The following LRRC36 variants were observed in gnomAD, a reference collection of about 807,000 sequenced individuals.
LRRC36 encodes the protein leucine-rich repeat-containing protein 36.
LRRC36 carries 62 observed loss-of-function variants against 81.1 expected under a neutral mutation model. The ratio of observed to expected loss-of-function variants is 0.76; its 90% CI spans 0.62 to 0.94. The LOEUF is 0.94. Among genes scored for constraint, LRRC36 ranks in the 40% least tolerant of loss-of-function variants. The pLI is 0.00. For synonymous variants in LRRC36, 334 were observed against 348.6 expected (o/e 0.96, Z 0.47); for missense variants, 761 against 881.7 (o/e 0.86, Z 1.73).
intron 12 of LRRC36, among the ~76,000 whole-genome samples, chr16:67,380,999 G>A (rs1339139871): frequency 6.6e-6 from 1 of 152,152 alleles, no homozygotes; most frequent in Non-Finnish European, 1.5e-5. Context: ...TGGGGTGGGT[G>A]GATCACCTGA....
intron 9 of LRRC36, among the ~76,000 whole-genome samples, chr16:67,374,904 G>A (rs1237056445): frequency 6.6e-6 from 1 of 151,838 alleles, no homozygotes; most frequent in African/African-American, 2.4e-5. Flanking sequence ...AGCTGAGGCG[G>A]GACGATCACA....
At chr16:67,328,283 C>G (rs939268986) in intron 1 of LRRC36, among the ~76,000 whole-genome samples, 1 of 152,032 alleles carries the variant, frequency 6.6e-6, no homozygotes, top group East Asian at 1.9e-4. Flanking sequence ...GAGGCCGAGG[C>G]GGGCGGATCA....
Position 67,370,959 on chromosome 16 carries a change from C to T in LRRC36, c.1211C>T (p.Thr404Ile), listed in dbSNP as rs774054360. The T allele has an allele frequency of 1.2e-6, 2 of 1,613,106 alleles. No homozygotes were observed. The highest frequency in any genetic ancestry group is 1.7e-6 in the Non-Finnish European group (2 of 1,179,234). The change falls in exon 9 of 14, where the codon ACC (threonine) becomes ATC (isoleucine). Residue 404 changes from threonine to isoleucine, a missense_variant. Physicochemically the swap from Thr to Ile is moderately conservative, Grantham distance 89. Transcript: ENST00000329956. Reference sequence around the variant, plus strand: ...TCCTCCACAGATCTGTATGCCACAACCCATTTCAACAGTGACCCTGCTGTA... The same window carrying T: ...TCCTCCACAGATCTGTATGCCACAATCCATTTCAACAGTGACCCTGCTGTA... ...LKLSSDLYAT[T>I]HFNSDPAVLV...
intron 3 of LRRC36, among the ~76,000 whole-genome samples, chr16:67,347,022 G>A (rs2038383097): frequency 6.6e-6 from 1 of 151,962 alleles, no homozygotes; most frequent in Non-Finnish European, 1.5e-5. Context: ...CTACAGGCAC[G>A]CACCACCACA....
chr16:67,350,155 G>GC, intron 4 of LRRC36, 47 bp from the exon 5 acceptor site: 1 of 1,186,428 alleles, frequency 8.4e-7, no homozygotes, highest in Non-Finnish European at 1.2e-6. Flanking sequence ...GATCTCAGAA[G>GC]CCTTTTTTTT....
intron 11 of LRRC36, among the ~76,000 whole-genome samples, chr16:67,377,704 G>A (rs368152718): frequency 8.0e-5 from 12 of 149,658 alleles, no homozygotes; most frequent in Middle Eastern, 3.5e-3. Flanking sequence ...GTGCGATCTC[G>A]GCTCACTGCA....
At position 67,385,061 on chromosome 16, in the gene LRRC36, T is replaced by C. The variant is rs1385224616; in HGVS notation, c.2237T>C (p.Leu746Ser). ...ETGQYLIQSV[L>S]DAAPEPGL is the part of the protein sequence containing the mutation. ...GGTCAGTATCTAATACAGAGCGTCTTGGATGCTGCCCCAGAGCCTGGCTTA... is the reference window on the plus strand; with the variant it reads ...GGTCAGTATCTAATACAGAGCGTCTCGGATGCTGCCCCAGAGCCTGGCTTA... The change falls in exon 14 of 14, where the codon TTG (leucine) becomes TCG (serine). Residue 746 changes from leucine (L) to serine (S), a missense_variant. Physicochemically the swap from Leu to Ser is moderately radical, Grantham distance 145. This residue lies in a region of LRRC36 where 359 missense variants were observed against 388.4 expected (regional missense o/e 0.92). Coordinates refer to ENST00000329956, the MANE Select transcript of LRRC36 (RefSeq NM_018296.6). The C allele has an allele frequency of 5.0e-6, 8 of 1,613,890 alleles. No homozygotes were observed. Among genetic ancestry groups the C allele is most frequent in the Non-Finnish European group, 6.8e-6 (8 of 1,180,014 alleles).
intron 7 of LRRC36, 137 bp downstream of exon 7, chr16:67,365,492 T>C: frequency 1.5e-6 from 1 of 660,926 alleles, no homozygotes; most frequent in Non-Finnish European, 2.6e-6. Flanking sequence ...TGAGGGACTG[T>C]CCTGGATGAT....
chr16:67,336,300 A>G (rs1385631546), intron 1 of LRRC36, among the ~76,000 whole-genome samples: 1 of 152,212 alleles, frequency 6.6e-6, no homozygotes, highest in African/African-American at 2.4e-5. Context: ...TGCTGTAAAC[A>G]TTCATGTGCA....
intron 13 of LRRC36, among the ~76,000 whole-genome samples, chr16:67,383,050 C>A (rs2040170063): frequency 8.9e-6 from 1 of 112,898 alleles, no homozygotes; most frequent in Non-Finnish European, 1.7e-5. Context: ...TCCAGCCTGT[C>A]AACAGAGCGA....
chr16:67,353,497 G>A (rs922658713), intron 5 of LRRC36, among the ~76,000 whole-genome samples: 5 of 151,794 alleles, frequency 3.3e-5, no homozygotes, highest in East Asian at 1.9e-4. Flanking sequence ...AGCAATTCTC[G>A]TGCCTCAGCC....
chr16:67,363,526 A>G, intron 5 of LRRC36, 64 bp from the exon 6 acceptor site: 1 of 1,567,842 alleles, frequency 6.4e-7, no homozygotes, highest in Non-Finnish European at 8.7e-7. Context: ...TCTATCCATT[A>G]GACATGCTGC....
intron 2 of LRRC36, among the ~76,000 whole-genome samples, chr16:67,343,752 G>A (rs533661426): frequency 2.6e-5 from 4 of 151,590 alleles, no homozygotes; most frequent in South Asian, 2.1e-4. Flanking sequence ...AAGACTCCTG[G>A]TACAGTGCTT....
At chr16:67,350,139 A>G in intron 4 of LRRC36, 63 bp from the exon 5 acceptor site, 1 of 1,100,210 alleles carries the variant, frequency 9.1e-7, no homozygotes, top group Non-Finnish European at 1.3e-6. Flanking sequence ...AATAGCATTT[A>G]CTGGTGATCT....
At chr16:67,372,347 ACT>A (rs925567179) in intron 9 of LRRC36, among the ~76,000 whole-genome samples, 4 of 150,908 alleles carry the variant, frequency 2.7e-5, no homozygotes, top group Non-Finnish European at 4.4e-5. Context: ...ACAGAGTGAG[ACT>A]CTGTCTCCAA....
intron 1 of LRRC36, among the ~76,000 whole-genome samples, chr16:67,332,281 C>T (rs193194717): frequency 4.4e-4 from 66 of 151,540 alleles, no homozygotes; most frequent in African/African-American, 1.4e-3. Flanking sequence ...CGGCCAGGCG[C>T]GGTGGCTTAC....
At chr16:67,338,855 T>C (rs942907521) in intron 1 of LRRC36, among the ~76,000 whole-genome samples, 4 of 145,066 alleles carry the variant, frequency 2.8e-5, no homozygotes, top group Non-Finnish European at 4.5e-5. Flanking sequence ...AATTTCTGCT[T>C]GGAAGCTGAA....
At chr16:67,349,638 A>T (rs1460420964) in intron 4 of LRRC36, among the ~76,000 whole-genome samples, 1 of 152,224 alleles carries the variant, frequency 6.6e-6, no homozygotes, top group East Asian at 1.9e-4. Context: ...AAAACAGAGT[A>T]TCTAAGTTCT....
rs781654046 is a variant in LRRC36, at chr16:67,342,128, T to C, written c.198+44T>C. 2.3e-5 allele frequency: 32 copies of C among 1,419,652 alleles called. No individual in the cohort carries two copies. In the Admixed American group the frequency reaches 5.0e-4, roughly 22 times the overall value. 87.9% of individuals were successfully genotyped at this position (1,419,652 alleles called of 1,614,324 possible). A position where few individuals can be genotyped will look rare whatever the true frequency, so the allele number is the denominator to read the frequency against. On this transcript the variant is annotated intron_variant, in intron 2 of 13. Coordinates refer to ENST00000329956, the MANE Select transcript of LRRC36 (RefSeq NM_018296.6). ...GACCAGCCAGGTCTGCCCAATTTAT[T>C]TTTTTGATGGGAAGAAATAAGAGAT...
Sources: allele counts gnomAD v4.1 joint callset (sites outside exome capture counted in the v4.1 genomes callset), GRCh38; gene constraint gnomAD v4.1.1; regional missense constraint gnomAD v4.1.1; transcripts MANE v1.5; gene names NCBI Gene and HGNC (gene_info 2026-07-23, HGNC 2026-07-21).